The following LYPD6 variants were observed in gnomAD, a reference collection of about 807,000 sequenced individuals.
LYPD6 encodes ly6/PLAUR domain-containing protein 6.
Under a neutral mutation model 22.7 loss-of-function variants are expected in LYPD6, and 15 were observed. The observed-to-expected ratio is 0.66, with a 90% CI of 0.44 to 1.02. LYPD6 has a LOEUF of 1.02. Ranked by LOEUF, LYPD6 falls within the 50% of genes least tolerant of loss-of-function variation. LYPD6 has a pLI of 0.00. For missense variants in LYPD6, 189 were observed against 208.4 expected, an observed-to-expected ratio of 0.91 and a Z score of 0.57; for synonymous variants, 72 against 77.5, an observed-to-expected ratio of 0.93 and a Z score of 0.37.
chr2:149,352,556 G>A (rs1318912346), intron 1 of LYPD6, among the ~76,000 whole-genome samples: 2 of 152,156 alleles, frequency 1.3e-5, no homozygotes, highest in Non-Finnish European at 2.9e-5. Context: ...CTACTGGCTG[G>A]GAAAGGGGAT....
At chr2:149,386,008 C>A (rs149038009) in intron 1 of LYPD6, among the ~76,000 whole-genome samples, 75 of 152,208 alleles carry the variant, frequency 4.9e-4, no homozygotes, top group African/African-American at 1.7e-3. Flanking sequence ...GAATCCCCCC[C>A]CAAGACCTGT....
At chr2:149,359,397 T>C (rs1681526931) in intron 1 of LYPD6, among the ~76,000 whole-genome samples, 3 of 152,210 alleles carry the variant, frequency 2.0e-5, no homozygotes, top group Admixed American at 2.0e-4. Flanking sequence ...AGTTGAAATT[T>C]AGGAGCCACT....
At position 149,429,919 on chromosome 2, in the gene LYPD6, C is replaced by A. The variant is rs186130844; in HGVS notation, c.-71-7719C>A. ...AACATGGTGTCTCAGAGTTTCAGCA[C>A]AATTATTCCAGAGTACCAGGTGTAA... On this transcript the variant is annotated intron_variant, in intron 1 of 4. Coordinates refer to ENST00000334166, the MANE Select transcript of LYPD6 (RefSeq NM_194317.5). Among the ~76,000 whole-genome samples the A allele has an allele frequency of 2.2e-3, 331 of 152,216 alleles. 3 individuals carry two copies. The highest frequency in any genetic ancestry group is 2.2e-3 in the Non-Finnish European group (149 of 68,016).
intron 3 of LYPD6, among the ~76,000 whole-genome samples, chr2:149,465,993 G>A (rs1472232411): frequency 6.6e-6 from 1 of 152,096 alleles, no homozygotes; most frequent in Non-Finnish European, 1.5e-5. Context: ...AATCCTTTTA[G>A]TGTGAAGTTA....
chr2:149,480,417 A>G, the LYPD6 span, among the ~76,000 whole-genome samples: 5 of 152,170 alleles, frequency 3.3e-5, no homozygotes, highest in East Asian at 7.7e-4. Flanking sequence ...TTGACCTGGT[A>G]ACCCCCTTTA....
At chr2:149,419,292 T>A (rs1269788743) in intron 1 of LYPD6, among the ~76,000 whole-genome samples, 2 of 152,216 alleles carry the variant, frequency 1.3e-5, no homozygotes, top group Non-Finnish European at 2.9e-5. Context: ...TATATTTTCT[T>A]ATTTAATTAA....
chr2:149,364,982 C>T (rs534085535), intron 1 of LYPD6, among the ~76,000 whole-genome samples: 2 of 152,288 alleles, frequency 1.3e-5, no homozygotes, highest in East Asian at 3.9e-4. Flanking sequence ...CATTCTCTCA[C>T]TATCTCTTAG....
chr2:149,403,149 G>C, intron 1 of LYPD6, among the ~76,000 whole-genome samples: 1 of 152,028 alleles, frequency 6.6e-6, no homozygotes, highest in East Asian at 1.9e-4. Flanking sequence ...ATTTGGGTTG[G>C]TTCCAAGTCT....
downstream of LYPD6, among the ~76,000 whole-genome samples, chr2:149,477,282 A>C (rs540656651): frequency 6.6e-6 from 1 of 152,304 alleles, no homozygotes; most frequent in African/African-American, 2.4e-5. Flanking sequence ...ATGTGCCATC[A>C]GACCTCCCAT....
chr2:149,485,609 T>C, the LYPD6 span, among the ~76,000 whole-genome samples: 1 of 152,182 alleles, frequency 6.6e-6, no homozygotes, highest in Non-Finnish European at 1.5e-5. Context: ...AAACCTGCTC[T>C]GTTTGTCTGA....
intron 1 of LYPD6, among the ~76,000 whole-genome samples, chr2:149,405,584 G>C (rs574306157): frequency 2.6e-5 from 4 of 152,140 alleles, no homozygotes; most frequent in Non-Finnish European, 4.4e-5. Flanking sequence ...GGTGATATCC[G>C]CTTTATCATT....
chr2:149,347,721 A>G (rs1316446541), intron 1 of LYPD6, among the ~76,000 whole-genome samples: 1 of 152,140 alleles, frequency 6.6e-6, no homozygotes, highest in East Asian at 1.9e-4. Context: ...AATTGTTCAT[A>G]CTTGAACAGA....
At chr2:149,440,750 G>T (rs1683546560) in intron 2 of LYPD6, among the ~76,000 whole-genome samples, 1 of 142,692 alleles carries the variant, frequency 7.0e-6, no homozygotes, top group South Asian at 2.3e-4. Flanking sequence ...GCCCAGGCTG[G>T]AGTGCAGTGG....
chr2:149,357,833 T>C (rs1681477094), intron 1 of LYPD6, among the ~76,000 whole-genome samples: 1 of 151,040 alleles, frequency 6.6e-6, no homozygotes, highest in Non-Finnish European at 1.5e-5. Context: ...TTGCCCAGGC[T>C]GGAGTGCAGT....
At chr2:149,356,363 C>G (rs187001031) in intron 1 of LYPD6, among the ~76,000 whole-genome samples, 53 of 152,152 alleles carry the variant, frequency 3.5e-4, no homozygotes, top group Non-Finnish European at 7.1e-4. Context: ...ATTGGTGACC[C>G]CTTTTCTATG....
chr2:149,399,031 A>G (rs1220200181), intron 1 of LYPD6, among the ~76,000 whole-genome samples: 1 of 152,148 alleles, frequency 6.6e-6, no homozygotes, highest in African/African-American at 2.4e-5. Flanking sequence ...ATTTGCCACT[A>G]TGCCAAAATG....
chr2:149,438,840 G>A (rs1683492784), intron 2 of LYPD6, among the ~76,000 whole-genome samples: 1 of 152,216 alleles, frequency 6.6e-6, no homozygotes, highest in South Asian at 2.1e-4. Context: ...CTGACCTAGG[G>A]TCAGCAACTA....
intron 1 of LYPD6, among the ~76,000 whole-genome samples, chr2:149,389,383 A>C (rs1414276273): frequency 6.6e-6 from 1 of 152,136 alleles, no homozygotes; most frequent in African/African-American, 2.4e-5. Context: ...GAAGAGATTA[A>C]AATTTTGTGG....
chr2:149,333,126 TAAATA>T (rs1026220518), intron 1 of LYPD6, among the ~76,000 whole-genome samples: 4 of 152,178 alleles, frequency 2.6e-5, no homozygotes, highest in Admixed American at 2.6e-4. Flanking sequence ...ATAGATGACT[TAAATA>T]AAATCAGAAC....
Sources: gnomAD v4.1 joint callset for allele counts (sites outside exome capture counted in the v4.1 genomes callset) on GRCh38, gnomAD v4.1.1 for gene constraint, MANE v1.5 for transcripts, NCBI Gene and HGNC (gene_info 2026-07-23, HGNC 2026-07-21) for gene names.